The following TMPRSS15 variants were observed in gnomAD, a reference collection of about 807,000 sequenced individuals.
TMPRSS15 encodes the protein transmembrane serine protease 15.
In TMPRSS15, 128 loss-of-function variants were observed where a neutral mutation model predicts 125.3. That is an observed-to-expected ratio of 1.02 (90% CI 0.89 to 1.18). TMPRSS15 has a LOEUF of 1.18. Ranked by LOEUF, TMPRSS15 falls within the 50% of genes most tolerant of loss-of-function variation. The probability of loss-of-function intolerance (pLI) is 0.00; values close to 1 mark genes in which losing one functional copy is unlikely to be tolerated. For synonymous variants in TMPRSS15, 446 were observed against 423.2 expected (o/e 1.05, Z -0.66); for missense variants, 1,283 against 1,212.7 (o/e 1.06, Z -0.86).
At chr21:18,409,712 T>C (rs920553353) in intron 1 of TMPRSS15, among the ~76,000 whole-genome samples, 8 of 152,150 alleles carry the variant, frequency 5.3e-5, no homozygotes, top group African/African-American at 1.7e-4. Flanking sequence ...CTTCAACTCA[T>C]TTATTAAGTT....
intron 5 of TMPRSS15, among the ~76,000 whole-genome samples, chr21:18,375,776 G>C (rs951247441): frequency 6.6e-6 from 1 of 152,138 alleles, no homozygotes; most frequent in Non-Finnish European, 1.5e-5. Context: ...ACTCAAAGAT[G>C]ATTATTTCAG....
chr21:18,269,998 T>C lies in TMPRSS15; in HGVS notation c.3031A>G (p.Thr1011Ala), dbSNP rs1490617155. 1 of 1,613,812 alleles carries C rather than the reference T, an allele frequency of 6.2e-7. No individual in the cohort carries two copies. Residue 1011 changes from threonine to alanine, a missense_variant, in exon 25 of 25, where the codon ACC (threonine) becomes GCC (alanine). Thr to Ala is a moderately conservative substitution (Grantham distance 58). Coordinates refer to ENST00000284885, the MANE Select transcript of TMPRSS15 (RefSeq NM_002772.3). ...PGVYARVSRF[T>A]EWIQSFLH ...TGTAGAAAACTTTGTATCCATTCGG[T>C]AAACCTTGAGACCCTGGCATACACT...
intron 18 of TMPRSS15, among the ~76,000 whole-genome samples, chr21:18,312,636 A>G (rs1248196438): frequency 6.6e-6 from 1 of 151,772 alleles, no homozygotes; most frequent in Non-Finnish European, 1.5e-5. Flanking sequence ...AAAATGAAAT[A>G]TTTCATTAAA....
chr21:18,279,139 A>C (rs539365566), intron 22 of TMPRSS15, 80 bp from the exon 23 acceptor site: 60 of 785,004 alleles, frequency 7.6e-5, no homozygotes, highest in Middle Eastern at 7.4e-4. Flanking sequence ...AACAAGTTTT[A>C]AAAATCAATA....
At chr21:18,467,683 T>C (rs545474061) in intron 1 of TMPRSS15, among the ~76,000 whole-genome samples, 20 of 151,868 alleles carry the variant, frequency 1.3e-4, no homozygotes, top group African/African-American at 4.8e-4. Flanking sequence ...ATTCAATCAG[T>C]GGGGGAAAAT....
chr21:18,361,151 A>T (rs3787592), intron 7 of TMPRSS15, among the ~76,000 whole-genome samples: 90,155 of 151,852 alleles, frequency 0.59, 27,376 homozygotes, highest in East Asian at 0.86. Context: ...AATTTAAATT[A>T]GATATTTAAA....
At chr21:18,290,767 T>G (rs1349445278) in intron 21 of TMPRSS15, among the ~76,000 whole-genome samples, 1 of 152,166 alleles carries the variant, frequency 6.6e-6, no homozygotes, top group Non-Finnish European at 1.5e-5. Flanking sequence ...GGAAGTGTCC[T>G]GTTTTTAGTA....
chr21:18,348,888 G>T (rs2075536062), intron 10 of TMPRSS15, among the ~76,000 whole-genome samples: 1 of 152,092 alleles, frequency 6.6e-6, no homozygotes, highest in South Asian at 2.1e-4. Flanking sequence ...ATTTTTCAGA[G>T]TTTTTTTCTA....
chr21:18,452,644 C>A (rs568842984), intron 1 of TMPRSS15, among the ~76,000 whole-genome samples: 104 of 152,238 alleles, frequency 6.8e-4, no homozygotes, highest in African/African-American at 2.2e-3. Context: ...ACACTCCAGC[C>A]TGTCTCAAGA....
chr21:18,289,179 T>A (rs1433292608), intron 21 of TMPRSS15, among the ~76,000 whole-genome samples: 1 of 152,198 alleles, frequency 6.6e-6, no homozygotes, highest in Non-Finnish European at 1.5e-5. Context: ...ATTTTCAAAG[T>A]TTTATTAGTT....
chr21:18,282,097 CAAAAAAAAAAAAAAA>C (rs954911028), intron 21 of TMPRSS15, among the ~76,000 whole-genome samples: 4 of 24,960 alleles, frequency 1.6e-4, no homozygotes, highest in African/African-American at 3.8e-4. Context: ...GACTCCGCCT[CAAAAAAAAAAAAAAA>C]AAAAAAAAAA....
At chr21:18,440,658 T>C (rs893093744) in intron 1 of TMPRSS15, among the ~76,000 whole-genome samples, 2 of 152,086 alleles carry the variant, frequency 1.3e-5, no homozygotes, top group African/African-American at 2.4e-5. Context: ...TTAAAAAAAA[T>C]CAGAAAATAT....
chr21:18,387,329 T>G (rs534259830), intron 3 of TMPRSS15, among the ~76,000 whole-genome samples: 2 of 152,296 alleles, frequency 1.3e-5, no homozygotes, highest in Non-Finnish European at 2.9e-5. Context: ...TTGAGTATAA[T>G]AGAGCAAAAT....
intron 3 of TMPRSS15, among the ~76,000 whole-genome samples, chr21:18,396,894 GA>G (rs1337442287): frequency 6.6e-6 from 1 of 150,718 alleles, no homozygotes; most frequent in East Asian, 1.9e-4. Context: ...TTCAACCAGT[GA>G]GTTTCCTTTT....
At chr21:18,274,881 C>T (rs114490763) in intron 24 of TMPRSS15, among the ~76,000 whole-genome samples, 3,000 of 152,246 alleles carry the variant, frequency 0.02, 110 homozygotes, top group African/African-American at 0.068. Flanking sequence ...TGAAAAGAAA[C>T]TGCTTTTAGA....
At chr21:18,475,905 A>G (rs1978871895) in intron 1 of TMPRSS15, among the ~76,000 whole-genome samples, 3 of 152,188 alleles carry the variant, frequency 2.0e-5, no homozygotes, top group Non-Finnish European at 4.4e-5. Context: ...ATTTTCTCAC[A>G]TAAAATTATG....
At chr21:18,307,753 C>T (rs564232022) in intron 18 of TMPRSS15, among the ~76,000 whole-genome samples, 11 of 152,116 alleles carry the variant, frequency 7.2e-5, no homozygotes, top group African/African-American at 2.7e-4. Flanking sequence ...TGTAGGGATC[C>T]ACATTTTGCT....
chr21:18,407,393 T>G (rs988416264), upstream of TMPRSS15, among the ~76,000 whole-genome samples: 1 of 151,934 alleles, frequency 6.6e-6, no homozygotes, highest in Non-Finnish European at 1.5e-5. Context: ...ACCAAATAAT[T>G]ATTAAAATTG....
intron 16 of TMPRSS15, among the ~76,000 whole-genome samples, chr21:18,317,786 TCCCATCCCATCCCATCCCATCCC>T (rs2075183657): frequency 9.4e-6 from 1 of 106,122 alleles, no homozygotes; most frequent in Non-Finnish European, 1.9e-5. Flanking sequence ...TCCCATCCCA[TCCCATCCCATCCCATCCCATCCC>T]ATCCCATTCT....
Sources: allele counts gnomAD v4.1 joint callset (sites outside exome capture counted in the v4.1 genomes callset), GRCh38; gene constraint gnomAD v4.1.1; transcripts MANE v1.5; gene names NCBI Gene and HGNC (gene_info 2026-07-23, HGNC 2026-07-21).